Variants in SLC39A11 observed in about 807,000 individuals in gnomAD.
SLC39A11 encodes zinc transporter ZIP11.
In SLC39A11, 33 loss-of-function variants were observed where a neutral mutation model predicts 36.1. The observed-to-expected ratio is 0.91, with a 90% CI of 0.69 to 1.22. The LOEUF is 1.22. Ranked by LOEUF, SLC39A11 falls within the 50% of genes most tolerant of loss-of-function variation. The pLI is 0.00. For missense variants in SLC39A11, 432 were observed against 430.3 expected, an observed-to-expected ratio of 1.00 and a Z score of -0.03; for synonymous variants, 166 against 170.3, an observed-to-expected ratio of 0.97 and a Z score of 0.20.
At chr17:73,020,972 C>T (rs151167593) in intron 4 of SLC39A11, among the ~76,000 whole-genome samples, 10 of 152,262 alleles carry the variant, frequency 6.6e-5, no homozygotes, top group African/African-American at 1.9e-4. Flanking sequence ...TGAGCCACCA[C>T]GCCCAGCCCG....
intron 4 of SLC39A11, among the ~76,000 whole-genome samples, chr17:72,997,035 AGCAGCTGACCCCCAGCT>A (rs2089558982): frequency 6.6e-6 from 1 of 152,190 alleles, no homozygotes; most frequent in African/African-American, 2.4e-5. Context: ...TGTAGTCAAG[AGCAGCTGACCCCCAGCT>A]GATCCACAGA....
intron 6 of SLC39A11, among the ~76,000 whole-genome samples, chr17:72,832,601 G>A (rs903900687): frequency 1.3e-5 from 2 of 152,172 alleles, no homozygotes; most frequent in Non-Finnish European, 2.9e-5. Context: ...GTACATTTAG[G>A]TGTCATTTCA....
chr17:72,861,617 G>A (rs1183727547), intron 5 of SLC39A11, among the ~76,000 whole-genome samples: 1 of 132,418 alleles, frequency 7.6e-6, no homozygotes, highest in Non-Finnish European at 1.6e-5. Context: ...TATACACACA[G>A]ATACATGGGT....
chr17:72,955,832 G>C (rs936470115), intron 4 of SLC39A11, among the ~76,000 whole-genome samples: 1 of 152,142 alleles, frequency 6.6e-6, no homozygotes, highest in East Asian at 1.9e-4. Flanking sequence ...TGAGAAAAGA[G>C]AGGATTGGTG....
chr17:72,846,265 A>G (rs908819641), intron 6 of SLC39A11, among the ~76,000 whole-genome samples: 3 of 152,068 alleles, frequency 2.0e-5, no homozygotes, highest in Admixed American at 1.3e-4. Context: ...CCTGACCTCA[A>G]GTGATCCGCC....
In SLC39A11 at chr17:72,789,183, C is replaced by T. The variant is rs536976446; in HGVS notation, c.602-52464G>A. On this transcript the variant is annotated intron_variant, in intron 6 of 9. Coordinates refer to ENST00000255559, the MANE Select transcript of SLC39A11 (RefSeq NM_139177.4). ...CAGAGCAGCTGAGACTACACGCGCA[C>T]GCCACCATGTCCGGCTAATTTCTGT... 6.1e-4 allele frequency among the ~76,000 whole-genome samples: 93 copies of T among 152,228 alleles called. 1 individual carries two copies. In the South Asian group the frequency reaches 0.018, roughly 30 times the overall value.
intron 3 of SLC39A11, among the ~76,000 whole-genome samples, chr17:73,075,574 C>T (rs983594771): frequency 6.6e-6 from 1 of 152,136 alleles, no homozygotes; most frequent in Non-Finnish European, 1.5e-5. Flanking sequence ...GATATGAGGC[C>T]GGGCGCAGTG....
chr17:72,821,926 G>A (rs1353064167), intron 6 of SLC39A11: 1 of 151,468 alleles, frequency 6.6e-6, no homozygotes, highest in Non-Finnish European at 1.5e-5. Context: ...TCTTCCCTGG[G>A]TCCATTCCCC....
intron 7 of SLC39A11, among the ~76,000 whole-genome samples, chr17:72,653,421 TTTTTC>T (rs1024748280): frequency 4.9e-5 from 7 of 142,918 alleles, no homozygotes; most frequent in African/African-American, 1.1e-4. Flanking sequence ...TTTGTTTTGG[TTTTTC>T]TTTTCTTTTC....
At chr17:72,996,617 G>T (rs1433659903) in intron 4 of SLC39A11, among the ~76,000 whole-genome samples, 2 of 152,052 alleles carry the variant, frequency 1.3e-5, no homozygotes, top group African/African-American at 4.8e-5. Context: ...TTGTGTCTTT[G>T]CTTCCCTTGT....
At chr17:72,765,186 C>A (rs2075719517) in intron 6 of SLC39A11, among the ~76,000 whole-genome samples, 1 of 152,202 alleles carries the variant, frequency 6.6e-6, no homozygotes, top group African/African-American at 2.4e-5. Context: ...GTTTCTCCTG[C>A]AAATAAACTA....
At chr17:73,035,430 G>A (rs1301323213) in intron 3 of SLC39A11, among the ~76,000 whole-genome samples, 6 of 152,144 alleles carry the variant, frequency 3.9e-5, no homozygotes, top group South Asian at 2.1e-4. Flanking sequence ...GTGAGCCACC[G>A]CACCCGGCCA....
chr17:73,044,356 C>T (rs1475389153), intron 3 of SLC39A11, among the ~76,000 whole-genome samples: 2 of 152,156 alleles, frequency 1.3e-5, no homozygotes, highest in African/African-American at 4.8e-5. Context: ...TGAAATACTC[C>T]TTAGCAATAA....
intron 7 of SLC39A11, among the ~76,000 whole-genome samples, chr17:72,682,084 C>T (rs973620223): frequency 6.8e-6 from 1 of 147,724 alleles, no homozygotes. Flanking sequence ...GAGCACGAAC[C>T]CTATCGTGAA....
intron 5 of SLC39A11, among the ~76,000 whole-genome samples, chr17:72,940,072 G>A (rs2085004017): frequency 6.6e-6 from 1 of 152,156 alleles, no homozygotes; most frequent in Admixed American, 6.5e-5. Flanking sequence ...TGTTGTGACA[G>A]CAACAGGAAA....
At chr17:72,889,470 G>A (rs1285847299) in intron 5 of SLC39A11, among the ~76,000 whole-genome samples, 3 of 151,982 alleles carry the variant, frequency 2.0e-5, no homozygotes, top group East Asian at 1.9e-4. Flanking sequence ...AGCTGAGGTG[G>A]AGGTTGCAGT....
chr17:72,967,605 C>T (rs867537003), intron 4 of SLC39A11, among the ~76,000 whole-genome samples: 2 of 152,010 alleles, frequency 1.3e-5, no homozygotes, highest in Non-Finnish European at 2.9e-5. Context: ...AAAAATAATC[C>T]GTGACGAAAA....
At chr17:72,733,288 TGG>T (rs1598489599) in intron 7 of SLC39A11, among the ~76,000 whole-genome samples, 1 of 152,328 alleles carries the variant, frequency 6.6e-6, no homozygotes, top group East Asian at 1.9e-4. Flanking sequence ...TTGTTTGTGG[TGG>T]GACATCCATG....
In SLC39A11 at chr17:72,862,763, T is replaced by C. The variant is rs573715206; in HGVS notation, c.431-12959A>G. Among the ~76,000 whole-genome samples, 3 of 152,208 alleles carry C rather than the reference T, an allele frequency of 2.0e-5. No individual in the cohort carries two copies. The South Asian group carries it at 6.2e-4, about 32-fold the overall frequency. On this transcript the variant is annotated intron_variant, in intron 5 of 9. Transcript: ENST00000255559. ...AAAAAAGGACCACAGGGCTGGAAGA[T>C]GAAGAGGCAATTATCCTCAATTCAA...
Sources: allele counts gnomAD v4.1 joint callset (sites outside exome capture counted in the v4.1 genomes callset), GRCh38; gene constraint gnomAD v4.1.1; transcripts MANE v1.5; gene names NCBI Gene and HGNC (gene_info 2026-07-23, HGNC 2026-07-21).